SLC35F2: variants seen among roughly 807,000 people sequenced by gnomAD.
SLC35F2 encodes queuine/queuosine transporter SLC35F2.
SLC35F2 carries 25 observed loss-of-function variants against 38.1 expected under a neutral mutation model. That is an observed-to-expected ratio of 0.66 (90% CI 0.48 to 0.92). The LOEUF is 0.92. Ranked by LOEUF, SLC35F2 falls within the 40% of genes least tolerant of loss-of-function variation. The pLI is 0.00. For missense variants in SLC35F2, 409 were observed against 452.9 expected (o/e 0.90, Z 0.88); for synonymous variants, 173 against 181.7 (o/e 0.95, Z 0.38).
At chr11:107,857,193 G>A (rs978548651) in intron 1 of SLC35F2, among the ~76,000 whole-genome samples, 3 of 135,524 alleles carry the variant, frequency 2.2e-5, no homozygotes, top group East Asian at 5.1e-4. Context: ...CAAGACGGAC[G>A]GACACGGACG....
Position 107,806,943 on chromosome 11 carries a change from A to AATAATAGGAGTCAGTATTT in SLC35F2, c.415-86_415-68dup, listed in dbSNP as rs1170100803. 11 of 1,428,862 alleles carry AATAATAGGAGTCAGTATTT rather than the reference A, an allele frequency of 7.7e-6. No individual in the cohort carries two copies. The East Asian group carries it at 2.5e-4, about 33-fold the overall frequency. 88.5% of individuals were successfully genotyped at this position (1,428,862 alleles called of 1,614,324 possible). A position where few individuals can be genotyped will look rare whatever the true frequency, so the allele number is the denominator to read the frequency against. On this transcript the variant is annotated intron_variant, in intron 3 of 7. Transcript: ENST00000525815. ...TTAGCTAAAAGATGGGTAATTAAGA[A>AATAATAGGAGTCAGTATTT]ATAATAGGAGTCAGTATTTATAATA...
chr11:107,798,419 A>C lies in SLC35F2; in HGVS notation c.939+4582T>G, dbSNP rs1004449678. On this transcript the variant is annotated intron_variant, in intron 7 of 7. Transcript: ENST00000525815. ...GTTATATTTGGTTTGGTGGCTTTTA[A>C]ATGTTCAGAAGAAAAACTATCATGT... 2.0e-5 allele frequency among the ~76,000 whole-genome samples: 3 copies of C among 152,188 alleles called. No homozygotes were observed. The South Asian group carries it at 6.2e-4, about 31-fold the overall frequency.
chr11:107,843,239 G>A (rs1860039707), intron 1 of SLC35F2, among the ~76,000 whole-genome samples: 1 of 152,140 alleles, frequency 6.6e-6, no homozygotes, highest in African/African-American at 2.4e-5. Context: ...TTTAGGACTG[G>A]TGATGCGTTT....
intron 1 of SLC35F2, among the ~76,000 whole-genome samples, chr11:107,818,911 AAGG>A (rs1342150336): frequency 5.9e-5 from 9 of 152,236 alleles, no homozygotes; most frequent in African/African-American, 2.2e-4. Flanking sequence ...GAAGCTGAGG[AAGG>A]AGGATTGCTT....
At chr11:107,811,478 G>A (rs930280492) in intron 3 of SLC35F2, among the ~76,000 whole-genome samples, 189 bp downstream of exon 3, 20 of 152,200 alleles carry the variant, frequency 1.3e-4, no homozygotes, top group African/African-American at 4.3e-4. Context: ...AGCTTAAGTT[G>A]TATACATTTT....
chr11:107,831,830 T>C (rs529159573), intron 1 of SLC35F2, among the ~76,000 whole-genome samples: 16 of 152,248 alleles, frequency 1.1e-4, no homozygotes, highest in African/African-American at 3.6e-4. Flanking sequence ...CAAAGAGAAC[T>C]GGAAAATTCT....
Position 107,814,459 on chromosome 11 carries a change from C to CAA in SLC35F2, c.286+1329_286+1330dup, listed in dbSNP as rs34742139. Among the ~76,000 whole-genome samples the CAA allele has an allele frequency of 6.4e-3, 700 of 110,096 alleles. 6 individuals carry two copies. Among genetic ancestry groups the CAA allele is most frequent in the African/African-American group, 0.021 (664 of 31,062 alleles). The allele number at this position is 110,096 out of a possible 152,430, so 72.2% of individuals were successfully genotyped here. The stretch of plus-strand genomic sequence containing the variant: ...TGGGTGACAGAGCAAGACTCTGCCT[C>CAA]AAAAAAAAAAAAAAGAAGAAGCTGC... On this transcript the variant is annotated intron_variant, in intron 2 of 7. Transcript: ENST00000525815.
intron 1 of SLC35F2, among the ~76,000 whole-genome samples, chr11:107,818,151 G>A (rs1450402573): frequency 6.7e-6 from 1 of 150,354 alleles, no homozygotes; most frequent in Non-Finnish European, 1.5e-5. Context: ...ACAATTGTCA[G>A]CTGGGCATAG....
At chr11:107,839,112 C>A (rs554118126) in intron 1 of SLC35F2, among the ~76,000 whole-genome samples, 1 of 152,268 alleles carries the variant, frequency 6.6e-6, no homozygotes, top group African/African-American at 2.4e-5. Flanking sequence ...ATAAAATATA[C>A]CATATGTAAT....
rs371255646 is a variant in SLC35F2, at chr11:107,858,759, T to G, written c.9A>C (p.Ala3=). The change falls in exon 1 of 8, where the codon GCA becomes GCC. Residue 3 remains alanine, a synonymous_variant. Transcript: ENST00000525815. ...GGGCGCCGGGGCCCGCTGGCGAGTC[T>G]GCCTCCATCGGCGCCCTTGCGCGTC... ME[A]DSPAGPGAPE... 2 of 1,267,510 alleles carry G rather than the reference T, an allele frequency of 1.6e-6. No individual in the cohort carries two copies. Among genetic ancestry groups the G allele is most frequent in the Non-Finnish European group, 2.0e-6 (2 of 998,454 alleles). 78.5% of individuals were successfully genotyped at this position (1,267,510 alleles called of 1,614,324 possible).
intron 4 of SLC35F2, 82 bp downstream of exon 4, chr11:107,806,635 A>C (rs1246698102): frequency 7.5e-7 from 1 of 1,332,920 alleles, no homozygotes; most frequent in Non-Finnish European, 1.1e-6. Flanking sequence ...TACTCCAGTA[A>C]ACAAGTTTCT....
chr11:107,803,848 C>T (rs1251177763), intron 6 of SLC35F2, among the ~76,000 whole-genome samples: 7 of 150,646 alleles, frequency 4.6e-5, no homozygotes, highest in Non-Finnish European at 5.9e-5. Flanking sequence ...TTTTTTGAGA[C>T]GGAGTCTCGC....
intron 7 of SLC35F2, 121 bp from the exon 8 acceptor site, chr11:107,792,921 CTTTCTT>C: frequency 7.4e-7 from 1 of 1,351,190 alleles, no homozygotes; most frequent in Non-Finnish European, 9.5e-7. Flanking sequence ...TTCTTTCTTT[CTTTCTT>C]TCTTTTTAAG....
intron 4 of SLC35F2, 110 bp downstream of exon 4, chr11:107,806,607 C>G (rs1714678220): frequency 1.0e-6 from 1 of 983,464 alleles, no homozygotes; most frequent in Non-Finnish European, 1.6e-6. Context: ...CTCACCTACA[C>G]AGTGACTTAA....
chr11:107,829,585 T>C (rs1256681071), intron 1 of SLC35F2, among the ~76,000 whole-genome samples: 1 of 151,802 alleles, frequency 6.6e-6, no homozygotes, highest in Non-Finnish European at 1.5e-5. Context: ...ACTTCTTTTC[T>C]GTATAAATTA....
intron 1 of SLC35F2, among the ~76,000 whole-genome samples, chr11:107,848,720 A>T (rs1368774436): frequency 1.3e-5 from 2 of 152,194 alleles, no homozygotes; most frequent in Non-Finnish European, 2.9e-5. Context: ...TTAATCTGGC[A>T]TAAAAGCCCA....
chr11:107,797,859 A>G (rs1241692635), intron 7 of SLC35F2, among the ~76,000 whole-genome samples: 1 of 152,314 alleles, frequency 6.6e-6, no homozygotes, highest in East Asian at 1.9e-4. Context: ...CTTGGATCTA[A>G]TACATAGCAC....
intron 7 of SLC35F2, among the ~76,000 whole-genome samples, chr11:107,800,802 A>G (rs1315591632): frequency 3.3e-5 from 5 of 151,160 alleles, no homozygotes; most frequent in Admixed American, 2.0e-4. Flanking sequence ...TCCAGGCTGA[A>G]AAGAGGTATT....
intron 1 of SLC35F2, among the ~76,000 whole-genome samples, chr11:107,833,338 G>A (rs1391018163): frequency 6.6e-6 from 1 of 152,030 alleles, no homozygotes; most frequent in East Asian, 1.9e-4. Flanking sequence ...TGGCCAACAT[G>A]GTGAAGCCCT....
Sources: allele counts gnomAD v4.1 joint callset (sites outside exome capture counted in the v4.1 genomes callset), GRCh38; gene constraint gnomAD v4.1.1; transcripts MANE v1.5; gene names NCBI Gene and HGNC (gene_info 2026-07-23, HGNC 2026-07-21).